The following MACF1 variants were observed in gnomAD, a reference collection of about 807,000 sequenced individuals.
The protein encoded by MACF1 is microtubule actin crosslinking factor 1, also known as microtubule-actin cross-linking factor 1.
In MACF1, 193 loss-of-function variants were observed where a neutral mutation model predicts 854.8. The ratio of observed to expected loss-of-function variants is 0.23; its 90% CI spans 0.20 to 0.25. The LOEUF is 0.25. MACF1 is among the 10% of genes least tolerant of loss of function. The probability of loss-of-function intolerance (pLI) is 1.00; values close to 1 mark genes in which losing one functional copy is unlikely to be tolerated. For missense variants in MACF1, 7,722 were observed against 8,929.1 expected (o/e 0.86, Z 5.45); for synonymous variants, 3,185 against 3,226.7 (o/e 0.99, Z 0.44).
intron 52 of MACF1, among the ~76,000 whole-genome samples, chr1:39,375,032 C>CCG (rs1337290459): frequency 8.6e-6 from 1 of 116,940 alleles, no homozygotes; most frequent in African/African-American, 5.4e-5. Context: ...ATGGCATGAA[C>CCG]CCGGGAGGCA....
At chr1:39,102,182 GA>G (rs1012896359) in intron 2 of MACF1, among the ~76,000 whole-genome samples, 1 of 109,870 alleles carries the variant, frequency 9.1e-6, no homozygotes, top group African/African-American at 3.6e-5. Flanking sequence ...CAAAAAAAAA[GA>G]AGAAAAAGAA....
intron 90 of MACF1, 78 bp from the exon 91 acceptor site, chr1:39,459,005 ATCT>A (rs1401369810): frequency 3.9e-5 from 47 of 1,206,374 alleles, no homozygotes; most frequent in Non-Finnish European, 5.4e-5. Flanking sequence ...TATTATAAAG[ATCT>A]TCTAGGTTTA....
intron 41 of MACF1, 71 bp downstream of exon 41, chr1:39,347,281 G>A: frequency 8.6e-7 from 1 of 1,160,056 alleles, no homozygotes. Context: ...TTTCTGGCCA[G>A]ACTCTGTGTA....
chr1:39,175,384 T>C (rs1241673451), intron 2 of MACF1, among the ~76,000 whole-genome samples: 1 of 152,194 alleles, frequency 6.6e-6, no homozygotes, highest in Admixed American at 6.5e-5. Context: ...ACTAGAATCA[T>C]GTACAGCATT....
chr1:39,458,486 A>G lies in MACF1; in HGVS notation c.21192A>G (p.Gly7064=). 1 of 1,613,174 alleles carries G rather than the reference A, an allele frequency of 6.2e-7. No homozygotes were observed. Among genetic ancestry groups the G allele is most frequent in the Non-Finnish European group, 8.5e-7 (1 of 1,179,496 alleles). ...HAPFIEKSRS[G]GRKSLSQPTP... ...CTTTCATAGAGAAATCCCGCAGCGG[A>G]GGCAGTATGTTTCCAGCCCCCTGTG... Residue 7064 remains glycine (G), a synonymous_variant, in exon 90 of 101, where the codon GGA becomes GGG. Coordinates refer to ENST00000564288, the MANE Select transcript of MACF1 (RefSeq NM_001394062.1).
intron 64 of MACF1, among the ~76,000 whole-genome samples, chr1:39,429,534 G>T (rs1221241939): frequency 1.3e-5 from 2 of 152,142 alleles, no homozygotes; most frequent in Admixed American, 1.3e-4. Flanking sequence ...TATAGATGAT[G>T]ATTTCTCCTC....
chr1:39,445,180 G>A (rs1043774387), intron 80 of MACF1, among the ~76,000 whole-genome samples: 6 of 152,176 alleles, frequency 3.9e-5, no homozygotes, highest in Admixed American at 2.0e-4. Flanking sequence ...AGGGACTGAC[G>A]AATAATTCTC....
intron 42 of MACF1, 99 bp from the exon 43 acceptor site, chr1:39,350,686 A>T (rs1647159302): frequency 5.1e-6 from 4 of 791,664 alleles, no homozygotes; most frequent in Non-Finnish European, 8.3e-6. Flanking sequence ...GACTATATAC[A>T]GGACTATATG....
chr1:39,441,537 A>G (rs951097951), intron 74 of MACF1, among the ~76,000 whole-genome samples: 2 of 152,172 alleles, frequency 1.3e-5, no homozygotes, highest in Admixed American at 1.3e-4. Flanking sequence ...CATGTTTATC[A>G]TTGCCTGCTC....
chr1:39,395,138 C>G (rs1557629394), intron 58 of MACF1, among the ~76,000 whole-genome samples: 2 of 152,202 alleles, frequency 1.3e-5, no homozygotes, highest in Non-Finnish European at 2.9e-5. Flanking sequence ...ACATTTTGGA[C>G]TGGATAATTC....
chr1:39,440,609 C>T (rs1644094073), intron 72 of MACF1, among the ~76,000 whole-genome samples: 1 of 152,000 alleles, frequency 6.6e-6, no homozygotes, highest in African/African-American at 2.4e-5. Flanking sequence ...TTTTCAAGAT[C>T]ATAGACCCCA....
At chr1:39,205,189 G>T (rs1644436462) in intron 1 of MACF1, 58 bp downstream of exon 1, 6 of 700,606 alleles carry the variant, frequency 8.6e-6, no homozygotes, top group Non-Finnish European at 1.6e-5. Context: ...TGAGGGTGGG[G>T]TGAATGATGG....
At chr1:39,408,843 T>G (rs879937962) in intron 58 of MACF1, among the ~76,000 whole-genome samples, 31 of 151,660 alleles carry the variant, frequency 2.0e-4, no homozygotes, top group Non-Finnish European at 3.5e-4. Context: ...TCGCTCCGAA[T>G]CCCGCAGAAG....
Position 39,295,900 on chromosome 1 carries a change from G to A in MACF1, c.2355+18G>A. The A allele has an allele frequency of 6.2e-7, 1 of 1,603,456 alleles. No homozygotes were observed. The highest frequency in any genetic ancestry group is 8.5e-7 in the Non-Finnish European group (1 of 1,171,152). Reference sequence around the variant, plus strand: ...ATTTTCAGGTGTGATGGATTTCTGTGTTTGTGTGTGTGTGTACATATGTAT... The same window carrying A: ...ATTTTCAGGTGTGATGGATTTCTGTATTTGTGTGTGTGTGTACATATGTAT... On this transcript the variant is annotated intron_variant, in intron 20 of 100. Transcript: ENST00000564288.
chr1:39,283,759 C>A lies in MACF1; in HGVS notation c.915+244C>A, dbSNP rs1183455164. ...CAAAGAATGTCTCTTTCATCCCCAG[C>A]TGTAATTCAAGATGAGGAAGTGTTT... On this transcript the variant is annotated intron_variant, in intron 9 of 100. Coordinates refer to ENST00000564288, the MANE Select transcript of MACF1 (RefSeq NM_001394062.1). The surrounding 1 kb of genome is among the most constrained non-coding windows in gnomAD (Gnocchi z 4.5). Among the ~76,000 whole-genome samples the A allele has an allele frequency of 6.6e-6, 1 of 152,150 alleles. No individual in the cohort carries two copies. Among genetic ancestry groups the A allele is most frequent in the Non-Finnish European group, 1.5e-5 (1 of 68,024 alleles).
chr1:39,323,986 T>G lies in MACF1; in HGVS notation c.4237-207T>G, dbSNP rs185735577. Among the ~76,000 whole-genome samples the G allele has an allele frequency of 1.8e-4, 27 of 152,306 alleles. 1 individual carries two copies. The East Asian group carries it at 5.2e-3, about 29-fold the overall frequency. ...GTGGTTTGTATTTTTCAGAAAGGTATTAAACCTAGGTATAATAAATTTAGC... is the reference window on the plus strand; with the variant it reads ...GTGGTTTGTATTTTTCAGAAAGGTAGTAAACCTAGGTATAATAAATTTAGC... On this transcript the variant is annotated intron_variant, in intron 33 of 100. Coordinates refer to ENST00000564288, the MANE Select transcript of MACF1 (RefSeq NM_001394062.1).
chr1:39,301,731 TG>T (rs1017124381), intron 22 of MACF1, among the ~76,000 whole-genome samples: 4 of 152,078 alleles, frequency 2.6e-5, no homozygotes, highest in African/African-American at 9.7e-5. Context: ...AGCGTTTGTT[TG>T]TTTTTTTTTT....
intron 2 of MACF1, among the ~76,000 whole-genome samples, chr1:39,102,409 T>G (rs1642114106): frequency 8.4e-6 from 1 of 118,414 alleles, no homozygotes. Context: ...TACCAAAGGG[T>G]AGAGGAGGAC....
In MACF1 at chr1:39,460,728, C is replaced by T. The variant is rs1644536850; in HGVS notation, c.21457C>T (p.Arg7153Cys). The T allele has an allele frequency of 5.6e-6, 9 of 1,614,020 alleles. No individual in the cohort carries two copies. Among genetic ancestry groups the T allele is most frequent in the African/African-American group, 2.7e-5 (2 of 74,896 alleles). The change falls in exon 92 of 101, where the codon CGC (arginine) becomes TGC (cysteine). Residue 7153 changes from arginine to cysteine, a missense_variant. By Grantham distance (180) the Arg-to-Cys change is radical. Coordinates refer to ENST00000564288, the MANE Select transcript of MACF1 (RefSeq NM_001394062.1). The surrounding 1 kb of genome is among the most constrained non-coding windows in gnomAD (Gnocchi z 4.1). ...KKSRVMDFFR[R>C]IDKDQDGKIT... is the part of the protein sequence containing the mutation. ...GTCTCGAGTGATGGATTTCTTCCGG[C>T]GCATTGATAAGGACCAGGATGGGAA...
Sources: gnomAD v4.1 joint callset for allele counts (sites outside exome capture counted in the v4.1 genomes callset) on GRCh38, gnomAD v4.1.1 for gene constraint, Gnocchi (gnomAD v3.1) non-coding constraint, MANE v1.5 for transcripts, NCBI Gene and HGNC (gene_info 2026-07-23, HGNC 2026-07-21) for gene names.